Variants in IGF1 observed in about 807,000 individuals in gnomAD.
The protein encoded by IGF1 is insulin like growth factor 1, also known as insulin-like growth factor 1.
IGF1 carries 4 observed loss-of-function variants against 13.8 expected under a neutral mutation model. The ratio of observed to expected loss-of-function variants is 0.29; its 90% CI spans 0.14 to 0.66. The LOEUF is 0.66. Ranked by LOEUF, IGF1 falls within the 30% of genes least tolerant of loss-of-function variation. The pLI is 0.78. For missense variants in IGF1, 124 were observed against 188.5 expected, an observed-to-expected ratio of 0.66 and a Z score of 2.00; for synonymous variants, 76 against 72.6, an observed-to-expected ratio of 1.05 and a Z score of -0.23.
chr12:102,461,989 C>T (rs996663273), intron 2 of IGF1, among the ~76,000 whole-genome samples: 9 of 152,182 alleles, frequency 5.9e-5, no homozygotes, highest in Non-Finnish European at 1.3e-4. Flanking sequence ...AACCTTAACA[C>T]GCATCCAAAT....
chr12:102,463,589 T>A (rs1880089193), intron 2 of IGF1: 1 of 152,218 alleles, frequency 6.6e-6, no homozygotes, highest in African/African-American at 2.4e-5. Flanking sequence ...TAAAGAGACT[T>A]CATGATGTTA....
chr12:102,441,267 T>C (rs1877689410), intron 2 of IGF1, among the ~76,000 whole-genome samples: 1 of 152,238 alleles, frequency 6.6e-6, no homozygotes, highest in African/African-American at 2.4e-5. Flanking sequence ...TGCACCATTA[T>C]CTTCTTGCTT....
intron 3 of IGF1, among the ~76,000 whole-genome samples, chr12:102,407,945 C>T (rs1288260175): frequency 6.6e-6 from 1 of 152,112 alleles, no homozygotes; most frequent in Non-Finnish European, 1.5e-5. Context: ...AAAATAGGCT[C>T]TTTAAACTTC....
At chr12:102,441,537 G>A (rs1378486879) in intron 2 of IGF1, among the ~76,000 whole-genome samples, 2 of 152,164 alleles carry the variant, frequency 1.3e-5, no homozygotes, top group East Asian at 1.9e-4. Flanking sequence ...GGCCATATTT[G>A]GGAAGCAGGC....
At chr12:102,417,732 TC>T in intron 3 of IGF1, 1 of 1,568,630 alleles carries the variant, frequency 6.4e-7, no homozygotes, top group Non-Finnish European at 8.6e-7. Flanking sequence ...TTTCTTCATT[TC>T]CTCTATTGTA....
chr12:102,439,574 GA>G (rs1401801788), intron 2 of IGF1, among the ~76,000 whole-genome samples: 3 of 152,138 alleles, frequency 2.0e-5, no homozygotes, highest in Non-Finnish European at 4.4e-5. Flanking sequence ...GGTGTATGTA[GA>G]GAATTATGAA....
At chr12:102,474,117 A>G (rs1442074736) in intron 2 of IGF1, among the ~76,000 whole-genome samples, 2 of 152,224 alleles carry the variant, frequency 1.3e-5, no homozygotes, top group Non-Finnish European at 2.9e-5. Flanking sequence ...AATGAGGATC[A>G]GTAGCTGCAA....
chr12:102,477,726 A>G (rs531230160), intron 1 of IGF1, among the ~76,000 whole-genome samples: 97 of 152,196 alleles, frequency 6.4e-4, no homozygotes, highest in Middle Eastern at 6.8e-3. Flanking sequence ...ATTCTACCGA[A>G]TCCTATTTCT....
chr12:102,470,121 A>G (rs1880592589), intron 2 of IGF1, among the ~76,000 whole-genome samples: 1 of 152,206 alleles, frequency 6.6e-6, no homozygotes, highest in Non-Finnish European at 1.5e-5. Context: ...GTGCCAGGCA[A>G]TATTCTAAGT....
intron 2 of IGF1, among the ~76,000 whole-genome samples, chr12:102,453,226 G>A (rs1262632351): frequency 6.6e-6 from 1 of 152,172 alleles, no homozygotes; most frequent in African/African-American, 2.4e-5. Context: ...GGCCTAGGAG[G>A]GTCTACATTG....
chr12:102,412,527 C>T (rs4764883), intron 3 of IGF1, among the ~76,000 whole-genome samples: 95,266 of 152,012 alleles, frequency 0.63, 30,894 homozygotes, highest in Admixed American at 0.72. Flanking sequence ...CAGCTTGATG[C>T]ACCTTTAGCA....
chr12:102,427,867 G>A (rs1876349836), intron 2 of IGF1, among the ~76,000 whole-genome samples: 1 of 152,098 alleles, frequency 6.6e-6, no homozygotes, highest in South Asian at 2.1e-4. Context: ...ATGGTTTGGT[G>A]TTACATGATA....
rs1369551105 is a variant in IGF1, at chr12:102,396,290, C to G, written c.*6217G>C. The G allele has an allele frequency of 6.6e-6, 1 of 152,152 alleles. No homozygotes were observed. Among genetic ancestry groups the G allele is most frequent in the African/African-American group, 2.4e-5 (1 of 41,444 alleles). 9.4% of individuals were successfully genotyped at this position (152,152 alleles called of 1,614,324 possible). A position where few individuals can be genotyped will look rare whatever the true frequency, so the allele number is the denominator to read the frequency against. On this transcript the variant is annotated 3_prime_UTR_variant, in exon 4 of 4. Coordinates refer to ENST00000337514, the MANE Select transcript of IGF1 (RefSeq NM_000618.5). ...TCATTAACTCTTTTACCAAAAAGATCTGACATGGTATTTGGGGCCTTTATG... is the reference window on the plus strand; with the variant it reads ...TCATTAACTCTTTTACCAAAAAGATGTGACATGGTATTTGGGGCCTTTATG...
intron 2 of IGF1, among the ~76,000 whole-genome samples, chr12:102,438,313 A>G (rs1290978799): frequency 6.6e-6 from 1 of 152,208 alleles, no homozygotes; most frequent in African/African-American, 2.4e-5. Context: ...TCACATCCCA[A>G]ATGCCAAATC....
At chr12:102,416,417 A>G (rs758452698) in intron 3 of IGF1, among the ~76,000 whole-genome samples, 13 of 152,238 alleles carry the variant, frequency 8.5e-5, no homozygotes, top group Non-Finnish European at 1.2e-4. Flanking sequence ...CTTCACCCTC[A>G]GGGAAATCCA....
At chr12:102,455,159 G>C (rs575004447) in intron 2 of IGF1, among the ~76,000 whole-genome samples, 1 of 152,304 alleles carries the variant, frequency 6.6e-6, no homozygotes, top group South Asian at 2.1e-4. Context: ...AAGAACTAAG[G>C]GTTCAGGTTT....
chr12:102,409,031 C>G (rs1193755036), intron 3 of IGF1, among the ~76,000 whole-genome samples: 2 of 152,232 alleles, frequency 1.3e-5, no homozygotes, highest in African/African-American at 4.8e-5. Context: ...CTCTCCCACA[C>G]AGTAGTCGTG....
intron 2 of IGF1, chr12:102,463,640 A>G (rs1222149826): frequency 6.6e-6 from 1 of 152,216 alleles, no homozygotes; most frequent in Non-Finnish European, 1.5e-5. Context: ...GATTTCATGA[A>G]TGGCTAAGAG....
chr12:102,417,889 C>T, intron 3 of IGF1: 1 of 1,613,940 alleles, frequency 6.2e-7, no homozygotes, highest in African/African-American at 1.3e-5. Context: ...TTCTTCTTTC[C>T]TCTGATCTGC....
Sources: allele counts gnomAD v4.1 joint callset (sites outside exome capture counted in the v4.1 genomes callset), GRCh38; gene constraint gnomAD v4.1.1; transcripts MANE v1.5; gene names NCBI Gene and HGNC (gene_info 2026-07-23, HGNC 2026-07-21).